The following GNA12 variants were observed in gnomAD, a reference collection of about 807,000 sequenced individuals.
GNA12 encodes the protein G protein subunit alpha 12.
In GNA12, 9 loss-of-function variants were observed where a neutral mutation model predicts 26.0. The ratio of observed to expected loss-of-function variants is 0.35; its 90% CI spans 0.21 to 0.60. The LOEUF is 0.60. GNA12 is among the 20% of genes least tolerant of loss of function. GNA12 has a pLI of 0.78. For synonymous variants in GNA12, 264 were observed against 219.6 expected, an observed-to-expected ratio of 1.20 and a Z score of -1.79; for missense variants, 405 against 525.8, an observed-to-expected ratio of 0.77 and a Z score of 2.25.
At chr7:2,759,111 C>T (rs911786555) in intron 2 of GNA12, among the ~76,000 whole-genome samples, 44 of 150,590 alleles carry the variant, frequency 2.9e-4, no homozygotes, top group African/African-American at 8.5e-4. Context: ...TTGCACTCAG[C>T]CCTGGGCCAC....
At chr7:2,835,631 C>G (rs1456554537) in intron 1 of GNA12, 1 of 789,638 alleles carries the variant, frequency 1.3e-6, no homozygotes, top group African/African-American at 1.7e-5. Flanking sequence ...ATGGTGGCCA[C>G]CATGAAGAAG....
intron 1 of GNA12, among the ~76,000 whole-genome samples, chr7:2,812,524 G>A (rs1332404371): frequency 6.6e-6 from 1 of 152,210 alleles, no homozygotes; most frequent in African/African-American, 2.4e-5. Context: ...AGCTACTCAG[G>A]AGGCTGAGGT....
rs149445937 is a variant in GNA12 at position 2,756,664 on chromosome 7, G to A, written c.526-23163C>T. Among the ~76,000 whole-genome samples, 21 of 152,330 alleles carry A rather than the reference G, an allele frequency of 1.4e-4. No individual in the cohort carries two copies. In the East Asian group the frequency reaches 3.5e-3, roughly 25 times the overall value. ...GAGGATCTGTGTGATCTTGGGTTAGGAAAAGATTTCTGTGCTGTCAGAATT... is the reference window on the plus strand; with the variant it reads ...GAGGATCTGTGTGATCTTGGGTTAGAAAAAGATTTCTGTGCTGTCAGAATT... On this transcript the variant is annotated intron_variant, in intron 2 of 3. Coordinates refer to ENST00000275364, the MANE Select transcript of GNA12 (RefSeq NM_007353.3).
chr7:2,839,736 C>T (rs1778935391), intron 1 of GNA12, among the ~76,000 whole-genome samples: 3 of 152,136 alleles, frequency 2.0e-5, no homozygotes, highest in East Asian at 1.9e-4. Context: ...AGGCGGGGCA[C>T]GGCGTCTCAC....
chr7:2,838,989 T>G (rs776464248), intron 1 of GNA12, among the ~76,000 whole-genome samples: 1 of 152,120 alleles, frequency 6.6e-6, no homozygotes, highest in Non-Finnish European at 1.5e-5. Flanking sequence ...AGCAAGCATA[T>G]AGAACTCAAC....
intron 2 of GNA12, among the ~76,000 whole-genome samples, chr7:2,743,588 G>A (rs893944864): frequency 2.6e-5 from 4 of 152,162 alleles, no homozygotes; most frequent in African/African-American, 7.2e-5. Context: ...GAACAGCTCC[G>A]GTCTACAGCT....
chr7:2,774,563 G>A (rs1792029333), intron 2 of GNA12, among the ~76,000 whole-genome samples: 1 of 152,220 alleles, frequency 6.6e-6, no homozygotes, highest in East Asian at 1.9e-4. Context: ...GGGAGCAGGA[G>A]ATGGGCTTGC....
At chr7:2,843,722 A>T (rs938512040) in intron 1 of GNA12, 131 bp downstream of exon 1, 1 of 426,578 alleles carries the variant, frequency 2.3e-6, no homozygotes, top group African/African-American at 2.4e-5. Context: ...AGTGGGGTGC[A>T]GGCGGGGCTG....
chr7:2,790,417 C>G (rs1284429221), intron 2 of GNA12, among the ~76,000 whole-genome samples: 1 of 152,162 alleles, frequency 6.6e-6, no homozygotes, highest in Non-Finnish European at 1.5e-5. Context: ...TGTCTAACCT[C>G]AATTATATTT....
intron 2 of GNA12, among the ~76,000 whole-genome samples, chr7:2,759,862 C>T (rs1161615743): frequency 2.0e-5 from 3 of 147,364 alleles, no homozygotes; most frequent in Admixed American, 1.3e-4. Context: ...ATTGTCCGCC[C>T]CCGTCTCAGA....
intron 2 of GNA12, among the ~76,000 whole-genome samples, chr7:2,742,632 G>C (rs1260246316): frequency 6.6e-6 from 1 of 152,164 alleles, no homozygotes; most frequent in Non-Finnish European, 1.5e-5. Flanking sequence ...TCTAAAGTCA[G>C]CTGTCAATGT....
intron 2 of GNA12, among the ~76,000 whole-genome samples, chr7:2,785,160 T>A (rs746170663): frequency 2.0e-5 from 3 of 152,090 alleles, no homozygotes; most frequent in Non-Finnish European, 4.4e-5. Flanking sequence ...GAATAGCAAA[T>A]ACCTCAGCTT....
At chr7:2,827,742 T>G (rs1279465780) in intron 1 of GNA12, among the ~76,000 whole-genome samples, 1 of 152,228 alleles carries the variant, frequency 6.6e-6, no homozygotes, top group Non-Finnish European at 1.5e-5. Context: ...AAGAATCACC[T>G]AATTATAAAA....
intron 1 of GNA12, among the ~76,000 whole-genome samples, chr7:2,839,871 C>T (rs1259220355): frequency 7.9e-5 from 12 of 152,124 alleles, no homozygotes; most frequent in Admixed American, 6.5e-4. Flanking sequence ...TGGTGGTGGG[C>T]GCCTGTAATC....
At chr7:2,808,038 G>C (rs1454431615) in intron 1 of GNA12, among the ~76,000 whole-genome samples, 2 of 152,262 alleles carry the variant, frequency 1.3e-5, no homozygotes, top group African/African-American at 4.8e-5. Flanking sequence ...GCTGCTTAAT[G>C]AAGTCCTGCT....
chr7:2,774,902 C>G (rs991222178), intron 2 of GNA12, among the ~76,000 whole-genome samples: 1 of 152,172 alleles, frequency 6.6e-6, no homozygotes, highest in African/African-American at 2.4e-5. Flanking sequence ...GTTGGCACAG[C>G]AGGCAGTCAA....
intron 1 of GNA12, among the ~76,000 whole-genome samples, chr7:2,824,120 C>T (rs1357035098): frequency 2.6e-5 from 4 of 152,126 alleles, no homozygotes; most frequent in Admixed American, 6.5e-5. Context: ...AGGATCTGAC[C>T]GCTTCCCAGC....
intron 2 of GNA12, among the ~76,000 whole-genome samples, chr7:2,750,903 G>A (rs1408323117): frequency 6.6e-6 from 1 of 152,216 alleles, no homozygotes; most frequent in Non-Finnish European, 1.5e-5. Context: ...CGAATGGAAA[G>A]GTGGACAGAT....
chr7:2,798,931 G>A (rs989097942), intron 1 of GNA12, among the ~76,000 whole-genome samples: 4 of 151,524 alleles, frequency 2.6e-5, no homozygotes, highest in African/African-American at 9.7e-5. Context: ...TGGAGGAAGT[G>A]GACTTCCACA....
Sources: gnomAD v4.1 joint callset for allele counts (sites outside exome capture counted in the v4.1 genomes callset) on GRCh38, gnomAD v4.1.1 for gene constraint, MANE v1.5 for transcripts, NCBI Gene and HGNC (gene_info 2026-07-23, HGNC 2026-07-21) for gene names.